The following GPR176 variants were observed in gnomAD, a reference collection of about 807,000 sequenced individuals.
GPR176 encodes the protein G-protein coupled receptor 176.
GPR176 carries 26 observed loss-of-function variants against 35.4 expected under a neutral mutation model. The observed-to-expected ratio is 0.74, with a 90% CI of 0.54 to 1.02. GPR176 has a LOEUF of 1.02. GPR176 is among the 50% of genes least tolerant of loss of function. The pLI, the probability that GPR176 is intolerant of heterozygous loss-of-function variation, is 0.00. For missense variants in GPR176, 597 were observed against 665.3 expected, an observed-to-expected ratio of 0.90 and a Z score of 1.13; for synonymous variants, 278 against 271.3, an observed-to-expected ratio of 1.02 and a Z score of -0.24.
At chr15:39,893,239 A>AG (rs1311127718) in intron 1 of GPR176, among the ~76,000 whole-genome samples, 1 of 152,176 alleles carries the variant, frequency 6.6e-6, no homozygotes, top group Non-Finnish European at 1.5e-5. Flanking sequence ...TCCTAGGCAG[A>AG]GGGCCCTGCA....
chr15:39,805,520 A>G (rs1899134723), intron 2 of GPR176, among the ~76,000 whole-genome samples: 1 of 152,120 alleles, frequency 6.6e-6, no homozygotes, highest in Non-Finnish European at 1.5e-5. Flanking sequence ...ATTCCTACAA[A>G]GCAATTATTA....
Position 39,800,104 on chromosome 15 carries a change from T to C in GPR176, c.*1028A>G, listed in dbSNP as rs1212104414. On this transcript the variant is annotated 3_prime_UTR_variant, in exon 3 of 3. Coordinates refer to ENST00000561100, the MANE Select transcript of GPR176 (RefSeq NM_007223.3). Reference sequence around the variant, plus strand: ...TGCCAACCTTTTGGGCAGAGTCACCTTTCCAAATCAGGCCTTTTCAGTTTG... The same window carrying C: ...TGCCAACCTTTTGGGCAGAGTCACCCTTCCAAATCAGGCCTTTTCAGTTTG... 6.6e-6 allele frequency: 1 copy of C among 152,262 alleles called. No individual in the cohort carries two copies. The highest frequency in any genetic ancestry group is 2.4e-5 in the African/African-American group (1 of 41,472). 9.4% of individuals were successfully genotyped at this position (152,262 alleles called of 1,614,324 possible). A position where few individuals can be genotyped will look rare whatever the true frequency, so the allele number is the denominator to read the frequency against.
At chr15:39,901,189 C>G (rs1396934277) in intron 1 of GPR176, among the ~76,000 whole-genome samples, 2 of 150,742 alleles carry the variant, frequency 1.3e-5, no homozygotes, top group Admixed American at 1.3e-4. Flanking sequence ...CCCAACACTA[C>G]CTTTATATTA....
intron 1 of GPR176, among the ~76,000 whole-genome samples, chr15:39,867,993 G>A (rs1356270010): frequency 6.6e-6 from 1 of 152,020 alleles, no homozygotes; most frequent in South Asian, 2.1e-4. Flanking sequence ...ATTTTCTCAG[G>A]CTGATCCAAC....
intron 1 of GPR176, among the ~76,000 whole-genome samples, chr15:39,826,823 A>G (rs947109734): frequency 1.3e-5 from 2 of 152,184 alleles, no homozygotes; most frequent in African/African-American, 4.8e-5. Context: ...CCAAGGAAGA[A>G]CCCTGACCAC....
chr15:39,910,054 T>A (rs1209308373), intron 1 of GPR176, among the ~76,000 whole-genome samples: 1 of 152,220 alleles, frequency 6.6e-6, no homozygotes, highest in Non-Finnish European at 1.5e-5. Context: ...CCAGTGGAAG[T>A]GCACGTGTTG....
At chr15:39,810,139 CAA>C (rs1217329545) in intron 1 of GPR176, among the ~76,000 whole-genome samples, 26 of 66,320 alleles carry the variant, frequency 3.9e-4, no homozygotes, top group Non-Finnish European at 4.3e-4. Flanking sequence ...GACTCCGTCT[CAA>C]AAAAAAAAAA....
At chr15:39,807,454 T>C in intron 1 of GPR176, 196 bp from the exon 2 acceptor site, 1 of 890,658 alleles carries the variant, frequency 1.1e-6, no homozygotes, top group Non-Finnish European at 1.6e-6. Context: ...AAATCACATA[T>C]CAATAAGTCT....
chr15:39,888,691 A>T (rs2032757873), intron 1 of GPR176, among the ~76,000 whole-genome samples: 1 of 152,176 alleles, frequency 6.6e-6, no homozygotes, highest in Non-Finnish European at 1.5e-5. Flanking sequence ...ACAATGTGTA[A>T]ATCATCTTTC....
At chr15:39,868,908 A>G (rs1264448364) in intron 1 of GPR176, among the ~76,000 whole-genome samples, 1 of 152,074 alleles carries the variant, frequency 6.6e-6, no homozygotes, top group Non-Finnish European at 1.5e-5. Flanking sequence ...TGGCTTCATA[A>G]AAGAGTCTGA....
At chr15:39,829,385 G>A in intron 1 of GPR176, 1 of 1,227,114 alleles carries the variant, frequency 8.1e-7, no homozygotes. Flanking sequence ...ACAATGCTCT[G>A]AGGTCAAATC....
At chr15:39,861,444 G>A (rs888965619) in intron 1 of GPR176, among the ~76,000 whole-genome samples, 9 of 151,908 alleles carry the variant, frequency 5.9e-5, no homozygotes, top group Non-Finnish European at 1.2e-4. Flanking sequence ...CAGCTACCCG[G>A]AGGCTGAAGC....
At position 39,850,022 on chromosome 15, in the gene GPR176, G is replaced by C. The variant is rs531465788; in HGVS notation, c.173-42764C>G. Among the ~76,000 whole-genome samples, 6 of 152,236 alleles carry C rather than the reference G, an allele frequency of 3.9e-5. No individual in the cohort carries two copies. The East Asian group carries it at 1.2e-3, about 29-fold the overall frequency. ...ATTTGCATGTCTAAACATGGAAAAG[G>C]TATGGTAAAAATATGGTATAAAAGA... is the stretch of plus-strand genomic sequence containing the variant. On this transcript the variant is annotated intron_variant, in intron 1 of 2. Transcript: ENST00000561100.
At chr15:39,919,796 C>T in intron 1 of GPR176, 59 bp downstream of exon 1, 1 of 1,301,288 alleles carries the variant, frequency 7.7e-7, no homozygotes, top group Non-Finnish European at 9.9e-7. Context: ...CTGCTCCCGG[C>T]TCTCCGAGCC....
chr15:39,868,104 T>C (rs916640447), intron 1 of GPR176, among the ~76,000 whole-genome samples: 3 of 151,684 alleles, frequency 2.0e-5, no homozygotes, highest in African/African-American at 4.8e-5. Context: ...CATTAAGAGA[T>C]AGCTAAGTGC....
chr15:39,837,867 G>C (rs571564629), intron 1 of GPR176, among the ~76,000 whole-genome samples: 5 of 151,738 alleles, frequency 3.3e-5, no homozygotes, highest in African/African-American at 4.8e-5. Flanking sequence ...ATATGCGCTT[G>C]TTCTGGCCAA....
chr15:39,894,321 A>C (rs1281714565), intron 1 of GPR176: 3 of 93,984 alleles, frequency 3.2e-5, no homozygotes, highest in African/African-American at 1.1e-4. Context: ...TGACCCCCCC[A>C]CCTCCCTCCC....
intron 1 of GPR176, among the ~76,000 whole-genome samples, chr15:39,916,320 A>G (rs1566972476): frequency 6.6e-6 from 1 of 152,226 alleles, no homozygotes. Context: ...TATCTACAAC[A>G]TACCTAAAGA....
Position 39,799,958 on chromosome 15 carries a change from G to C in GPR176, c.*1174C>G, listed in dbSNP as rs930943915. On this transcript the variant is annotated 3_prime_UTR_variant, in exon 3 of 3. Transcript: ENST00000561100. ...TACAATGATTATTTCTCCCTGTTCT[G>C]TTCCTCCTCTGTGTCCAAAATTAAG... 6.6e-6 allele frequency: 1 copy of C among 152,172 alleles called. No individual in the cohort carries two copies. The highest frequency in any genetic ancestry group is 1.5e-5 in the Non-Finnish European group (1 of 68,048). 9.4% of individuals were successfully genotyped at this position (152,172 alleles called of 1,614,324 possible).
Sources: allele counts gnomAD v4.1 joint callset (sites outside exome capture counted in the v4.1 genomes callset), GRCh38; gene constraint gnomAD v4.1.1; transcripts MANE v1.5; gene names NCBI Gene and HGNC (gene_info 2026-07-23, HGNC 2026-07-21).